TRIM5: variants seen among roughly 807,000 people sequenced by gnomAD.
The protein encoded by TRIM5 is tripartite motif-containing protein 5.
Under a neutral mutation model 35.6 loss-of-function variants are expected in TRIM5, and 31 were observed. The observed-to-expected ratio is 0.87, with a 90% CI of 0.65 to 1.18. TRIM5 has a LOEUF of 1.18. Among genes scored for constraint, TRIM5 ranks in the 50% most tolerant of loss-of-function variants. TRIM5 has a pLI of 0.00. For synonymous variants in TRIM5, 243 were observed against 215.6 expected (o/e 1.13, Z -1.11); for missense variants, 609 against 591.6 (o/e 1.03, Z -0.31).
the TRIM5 span, among the ~76,000 whole-genome samples, chr11:5,636,366 A>C: frequency 1.3e-4 from 20 of 152,300 alleles, no homozygotes; most frequent in African/African-American, 4.8e-4. Context: ...AGCTCTGGGG[A>C]AGAATAGGAA....
At chr11:5,592,697 G>A in the TRIM5 span, among the ~76,000 whole-genome samples, 5 of 151,984 alleles carry the variant, frequency 3.3e-5, no homozygotes, top group Admixed American at 6.5e-5. Context: ...TGGGTGGATC[G>A]CTTGAGTCCA....
the TRIM5 span, chr11:5,612,104 T>C: frequency 6.6e-6 from 1 of 152,230 alleles, no homozygotes; most frequent in Non-Finnish European, 1.5e-5. Context: ...ACCATTATTA[T>C]TTGTTGTATG....
downstream of TRIM5, among the ~76,000 whole-genome samples, chr11:5,660,122 G>A (rs533031123): frequency 4.3e-4 from 66 of 151,914 alleles, no homozygotes; most frequent in Non-Finnish European, 7.4e-4. Flanking sequence ...GACTACAGGC[G>A]CCCACCACCA....
At chr11:5,678,826 A>G (rs1003030282) in intron 3 of TRIM5, among the ~76,000 whole-genome samples, 1 of 152,216 alleles carries the variant, frequency 6.6e-6, no homozygotes, top group African/African-American at 2.4e-5. Context: ...AAAAAGTAGC[A>G]CAAAAATAGA....
chr11:5,605,433 G>T, the TRIM5 span: 9 of 1,614,190 alleles, frequency 5.6e-6, no homozygotes, highest in Non-Finnish European at 7.6e-6. Flanking sequence ...GAAAAAGCTG[G>T]AACAGGAAGA....
At chr11:5,660,972 G>T (rs1253893290), downstream of TRIM5, among the ~76,000 whole-genome samples, 2 of 132,816 alleles carry the variant, frequency 1.5e-5, no homozygotes, top group South Asian at 2.6e-4. Flanking sequence ...AACCCAGGAG[G>T]TGGAGGTTGC....
the TRIM5 span, among the ~76,000 whole-genome samples, chr11:5,598,187 C>G: frequency 6.6e-6 from 1 of 152,172 alleles, no homozygotes; most frequent in African/African-American, 2.4e-5. Context: ...GGAGACTTGG[C>G]CTCAGTTGGA....
the TRIM5 span, among the ~76,000 whole-genome samples, chr11:5,637,484 T>C: frequency 5.3e-5 from 8 of 152,244 alleles, no homozygotes; most frequent in Non-Finnish European, 7.3e-5. Flanking sequence ...ATGCTTTCTG[T>C]AATAGTTTTA....
chr11:5,604,091 G>C, the TRIM5 span, among the ~76,000 whole-genome samples: 1 of 152,094 alleles, frequency 6.6e-6, no homozygotes, highest in Non-Finnish European at 1.5e-5. Context: ...CGCCTCCCGG[G>C]TTCAAGCAGT....
At chr11:5,611,385 C>A in the TRIM5 span, 1 of 1,409,578 alleles carries the variant, frequency 7.1e-7, no homozygotes, top group Non-Finnish European at 9.8e-7. Context: ...TACCCTGAGG[C>A]TTATCAGCAT....
the TRIM5 span, among the ~76,000 whole-genome samples, chr11:5,607,120 C>T: frequency 6.6e-6 from 1 of 152,054 alleles, no homozygotes; most frequent in Non-Finnish European, 1.5e-5. Context: ...AGGAGAATGG[C>T]GCGAACCCAG....
chr11:5,622,418 C>A, the TRIM5 span, among the ~76,000 whole-genome samples: 2 of 149,288 alleles, frequency 1.3e-5, no homozygotes, highest in Non-Finnish European at 3.0e-5. Flanking sequence ...GCACTCCAGC[C>A]TGGGCGACAG....
the TRIM5 span, chr11:5,634,041 G>A: frequency 1.2e-6 from 1 of 853,768 alleles, no homozygotes; most frequent in East Asian, 2.8e-5. Context: ...TGTCCCTGTT[G>A]GGGGTGGAGG....
rs958598747 is a variant in TRIM5, at chr11:5,678,256, A to T, written c.692T>A (p.Leu231His). 3.1e-6 allele frequency: 5 copies of T among 1,614,020 alleles called. No homozygotes were observed. Among genetic ancestry groups the T allele is most frequent in the Non-Finnish European group, 4.2e-6 (5 of 1,179,906 alleles). Residue 231 changes from leucine to histidine, a missense_variant, in exon 4 of 8, where the codon CTC becomes CAC. Physicochemically the swap from Leu to His is moderately conservative, Grantham distance 99. Transcript: ENST00000380034. ...MVQQTQSLRE[L>H]ISDLEHRLQG... ...CAGCCGATGCTCCAGATCTGAGATG[A>T]GCTCTCTCAGGGACTGGGTCTGCTG...
the TRIM5 span, chr11:5,634,817 G>A: frequency 2.5e-6 from 4 of 1,613,618 alleles, no homozygotes; most frequent in South Asian, 4.4e-5. Flanking sequence ...GCTCATCTCA[G>A]ATGTGGAGTG....
chr11:5,612,479 A>G, the TRIM5 span: 4 of 152,250 alleles, frequency 2.6e-5, no homozygotes, highest in Non-Finnish European at 2.9e-5. Flanking sequence ...AGAGAAAAAC[A>G]ATCCAATACA....
chr11:5,605,084 C>T, the TRIM5 span: 67,975 of 537,640 alleles, frequency 0.13, 5,020 homozygotes, highest in East Asian at 0.28. Context: ...GGAATCTAAA[C>T]GTCACCCAGG....
intron 5 of TRIM5, 162 bp from the exon 6 acceptor site, chr11:5,666,243 A>G: frequency 1.5e-6 from 1 of 685,132 alleles, no homozygotes; most frequent in Admixed American, 2.2e-5. Flanking sequence ...GGCAAACAAA[A>G]TGTTCTCATG....
At position 5,682,981 on chromosome 11, in the gene TRIM5, G is replaced by A. The variant is rs963053123; in HGVS notation, c.-62+1887C>T. Among the ~76,000 whole-genome samples the A allele has an allele frequency of 5.1e-4, 78 of 152,328 alleles. 1 individual carries two copies. Among genetic ancestry groups the A allele is most frequent in the African/African-American group, 1.7e-3 (71 of 41,578 alleles). On this transcript the variant is annotated intron_variant, in intron 1 of 7. Transcript: ENST00000380034. ...CGAGCGGGAACCGGGGCTGCGCGCC[G>A]CGCTTGTGGGCCAGCTGGAGTTCCG...
Sources: allele counts gnomAD v4.1 joint callset (sites outside exome capture counted in the v4.1 genomes callset), GRCh38; gene constraint gnomAD v4.1.1; transcripts MANE v1.5; gene names NCBI Gene and HGNC (gene_info 2026-07-23, HGNC 2026-07-21).